Variants in HOXC4 observed in about 807,000 individuals in gnomAD.
HOXC4 encodes homeobox C4.
In HOXC4, 15 loss-of-function variants were observed where a neutral mutation model predicts 25.5. The ratio of observed to expected loss-of-function variants is 0.59; its 90% CI spans 0.39 to 0.91. The LOEUF (loss-of-function observed/expected upper bound fraction) is 0.91, where lower values mean the gene tolerates loss of function less well. Ranked by LOEUF, HOXC4 falls within the 40% of genes least tolerant of loss-of-function variation. HOXC4 has a pLI of 0.00. For synonymous variants in HOXC4, 165 were observed against 148.0 expected (o/e 1.11, Z -0.83); for missense variants, 342 against 352.4 (o/e 0.97, Z 0.24).
At chr12:54,054,471 T>G in intron 1 of HOXC4, 110 bp downstream of exon 1, 1 of 619,152 alleles carries the variant, frequency 1.6e-6, no homozygotes, top group African/African-American at 2.0e-5. Context: ...TCCCCCTCTC[T>G]CTCCAGGAGC....
chr12:54,018,495 G>T (rs1032588612), intron 1 of HOXC4, among the ~76,000 whole-genome samples: 28 of 152,246 alleles, frequency 1.8e-4, no homozygotes, highest in African/African-American at 6.8e-4. Context: ...CGGCGGGAGG[G>T]TCCTGGGCAC....
At chr12:54,044,725 T>TGTGTG (rs1937659801) in intron 1 of HOXC4, among the ~76,000 whole-genome samples, 2 of 146,938 alleles carry the variant, frequency 1.4e-5, no homozygotes, top group Non-Finnish European at 1.5e-5. Flanking sequence ...GTGTGTGTGT[T>TGTGTG]TGTGTGTGTG....
At chr12:54,038,700 C>T (rs537168725) in intron 1 of HOXC4, among the ~76,000 whole-genome samples, 1 of 152,290 alleles carries the variant, frequency 6.6e-6, no homozygotes, top group Non-Finnish European at 1.5e-5. Context: ...CTGCTTGGGT[C>T]TTCCTGGCAT....
chr12:54,044,724 T>G (rs1376005186), intron 1 of HOXC4, among the ~76,000 whole-genome samples: 1 of 136,776 alleles, frequency 7.3e-6, no homozygotes, highest in African/African-American at 2.8e-5. Context: ...AGTGTGTGTG[T>G]TTGTGTGTGT....
intron 1 of HOXC4, among the ~76,000 whole-genome samples, chr12:54,019,408 A>G (rs931629543): frequency 1.3e-5 from 2 of 152,048 alleles, no homozygotes; most frequent in Non-Finnish European, 2.9e-5. Flanking sequence ...GGGACCTGAA[A>G]AGGGCAAAGG....
upstream of HOXC4, among the ~76,000 whole-genome samples, chr12:54,049,038 C>T (rs565801070): frequency 1.9e-4 from 29 of 152,250 alleles, no homozygotes; most frequent in Middle Eastern, 3.4e-3. Flanking sequence ...CACCCCAAAC[C>T]AAATTTTAAA....
intron 1 of HOXC4, among the ~76,000 whole-genome samples, chr12:54,044,856 C>G (rs375424399): frequency 7.9e-5 from 12 of 152,286 alleles, no homozygotes; most frequent in African/African-American, 2.2e-4. Flanking sequence ...CCCCCACCCC[C>G]TGGCTGGCAA....
upstream of HOXC4, among the ~76,000 whole-genome samples, chr12:54,050,219 G>A (rs1236201956): frequency 1.3e-5 from 2 of 152,104 alleles, no homozygotes; most frequent in Non-Finnish European, 2.9e-5. Context: ...GGTAATCCAG[G>A]CACAATAAGG....
At position 54,023,690 on chromosome 12, in the gene HOXC4, C is replaced by T. The variant is rs746424; in HGVS notation, c.-124+6276C>T. On this transcript the variant is annotated intron_variant, in intron 1 of 3. Coordinates refer to the HOXC4 transcript ENST00000303406. ...CCTGTCCCCAAAATATTAGCACCCC[C>T]AAATGATATCCATTTCTGTGTTAGG... is the stretch of plus-strand genomic sequence containing the variant. Among the ~76,000 whole-genome samples, 476 of 152,312 alleles carry T rather than the reference C, an allele frequency of 3.1e-3. 3 individuals carry two copies. The highest frequency in any genetic ancestry group is 0.01 in the African/African-American group (436 of 41,576).
intron 1 of HOXC4, chr12:54,030,063 G>GTT (rs1380111827): frequency 5.7e-5 from 69 of 1,211,754 alleles, no homozygotes; most frequent in Non-Finnish European, 7.6e-5. Context: ...CAATTGATGT[G>GTT]TTTTGATTCC....
At chr12:54,031,006 G>A (rs1203713515) in intron 1 of HOXC4, among the ~76,000 whole-genome samples, 1 of 152,248 alleles carries the variant, frequency 6.6e-6, no homozygotes, top group Non-Finnish European at 1.5e-5. Flanking sequence ...GAGGGGCTGG[G>A]AGGCCTCTCT....
rs756614653 is a variant in HOXC4 at position 54,033,929 on chromosome 12, G to C, written c.-124+16515G>C. The C allele has an allele frequency of 2.4e-5, 11 of 467,192 alleles. No homozygotes were observed. The East Asian group carries it at 5.4e-4, about 23-fold the overall frequency. 28.9% of individuals were successfully genotyped at this position (467,192 alleles called of 1,614,324 possible). A position where few individuals can be genotyped will look rare whatever the true frequency, so the allele number is the denominator to read the frequency against. On this transcript the variant is annotated intron_variant, in intron 1 of 3. Coordinates refer to the HOXC4 transcript ENST00000303406. ...CGGAGCCGGCTCCGCCGGCGCTTGC[G>C]GCTCCGGAGGATTCCAGCGACTCGG...
intron 1 of HOXC4, among the ~76,000 whole-genome samples, chr12:54,047,181 C>T (rs1018901842): frequency 6.6e-6 from 1 of 152,270 alleles, no homozygotes. Context: ...GACCTTTCAA[C>T]ACACACCTCA....
At position 54,055,977 on chromosome 12, in the gene HOXC4, C is replaced by G. The variant is rs567421127; in HGVS notation, c.*772C>G. ...AACTTGCAATAAAGAATTTTAGTGT[C>G]GATGTGAAATGCCCCGTGATCAATA... On this transcript the variant is annotated 3_prime_UTR_variant, in exon 2 of 2. Coordinates refer to ENST00000430889, the MANE Select transcript of HOXC4 (RefSeq NM_153633.3). The G allele has an allele frequency of 6.6e-6, 1 of 152,550 alleles. No individual in the cohort carries two copies. The allele number at this position is 152,550 out of a possible 1,614,324, so 9.4% of individuals were successfully genotyped here.
intron 1 of HOXC4, among the ~76,000 whole-genome samples, chr12:54,042,084 T>C (rs1321591079): frequency 1.3e-5 from 2 of 151,210 alleles, no homozygotes; most frequent in African/African-American, 4.9e-5. Flanking sequence ...GTTCAAGCGA[T>C]TCTCCTGCCT....
intron 1 of HOXC4, chr12:54,029,567 T>G (rs1271351001): frequency 7.2e-7 from 1 of 1,392,828 alleles, no homozygotes; most frequent in Non-Finnish European, 9.9e-7. Flanking sequence ...CTGGCCAGGT[T>G]GGGAGGGTCA....
chr12:54,049,079 G>T (rs1937784604), upstream of HOXC4, among the ~76,000 whole-genome samples: 1 of 152,204 alleles, frequency 6.6e-6, no homozygotes, highest in African/African-American at 2.4e-5. Flanking sequence ...TTGAAGAGGG[G>T]TGGGGGTCAA....
upstream of HOXC4, among the ~76,000 whole-genome samples, chr12:54,051,947 C>T (rs1452839228): frequency 1.3e-5 from 2 of 152,214 alleles, no homozygotes; most frequent in East Asian, 3.8e-4. Flanking sequence ...TTCAGTCTCC[C>T]TCTCACAAGG....
chr12:54,033,554 G>T, intron 1 of HOXC4: 1 of 1,594,694 alleles, frequency 6.3e-7, no homozygotes, highest in South Asian at 1.1e-5. Flanking sequence ...ACCCGTGGAT[G>T]ACCAAACTGC....
Sources: allele counts gnomAD v4.1 joint callset (sites outside exome capture counted in the v4.1 genomes callset), GRCh38; gene constraint gnomAD v4.1.1; transcripts MANE v1.5; gene names NCBI Gene and HGNC (gene_info 2026-07-23, HGNC 2026-07-21).